RPS6KC1: variants seen among roughly 807,000 people sequenced by gnomAD.
RPS6KC1 encodes ribosomal protein S6 kinase C1.
Under a neutral mutation model 103.8 loss-of-function variants are expected in RPS6KC1, and 54 were observed. That is an observed-to-expected ratio of 0.52 (90% confidence interval 0.42 to 0.65). The LOEUF is 0.65. RPS6KC1 is among the 30% of genes least tolerant of loss of function. RPS6KC1 has a pLI of 0.00. For synonymous variants in RPS6KC1, 439 were observed against 438.7 expected (o/e 1.00, Z -0.01); for missense variants, 1,151 against 1,253.8 (o/e 0.92, Z 1.24).
chr1:213,624,345 G>C, the RPS6KC1 span, among the ~76,000 whole-genome samples: 2 of 152,232 alleles, frequency 1.3e-5, no homozygotes, highest in Non-Finnish European at 2.9e-5. Context: ...TCTTTGTCCT[G>C]ACAGAGCTTA....
intron 8 of RPS6KC1, among the ~76,000 whole-genome samples, chr1:213,197,714 C>T (rs1433807261): frequency 6.6e-6 from 1 of 152,042 alleles, no homozygotes; most frequent in African/African-American, 2.4e-5. Context: ...TTGGATGAGT[C>T]TTTAGGGTTT....
the RPS6KC1 span, among the ~76,000 whole-genome samples, chr1:213,708,149 G>C: frequency 3.9e-5 from 6 of 152,148 alleles, no homozygotes; most frequent in African/African-American, 1.4e-4. Flanking sequence ...CAATTTTCAG[G>C]ATATTGATTC....
intron 4 of RPS6KC1, among the ~76,000 whole-genome samples, chr1:213,111,665 T>A (rs1280428253): frequency 6.6e-6 from 1 of 152,202 alleles, no homozygotes; most frequent in East Asian, 1.9e-4. Flanking sequence ...ATTTTTTATT[T>A]TGCATGAAAT....
At chr1:213,472,722 A>G in the RPS6KC1 span, among the ~76,000 whole-genome samples, 2 of 152,206 alleles carry the variant, frequency 1.3e-5, no homozygotes, top group African/African-American at 4.8e-5. Flanking sequence ...ATGAAGTGGA[A>G]TGGCTATAGA....
At chr1:213,181,694 T>C (rs1401153795) in intron 8 of RPS6KC1, among the ~76,000 whole-genome samples, 1 of 152,172 alleles carries the variant, frequency 6.6e-6, no homozygotes, top group Admixed American at 6.5e-5. Context: ...ATTTTTTAAG[T>C]GCTAAAAGGA....
At chr1:213,480,562 A>T in the RPS6KC1 span, among the ~76,000 whole-genome samples, 1 of 152,126 alleles carries the variant, frequency 6.6e-6, no homozygotes, top group Admixed American at 6.5e-5. Context: ...TGCTTTGGCT[A>T]AGACTTAATA....
At chr1:213,198,060 T>C (rs903997156) in intron 8 of RPS6KC1, among the ~76,000 whole-genome samples, 2 of 152,180 alleles carry the variant, frequency 1.3e-5, no homozygotes, top group African/African-American at 2.4e-5. Flanking sequence ...GTGAGATGTA[T>C]GCTTTAAGAA....
chr1:213,609,760 G>A, the RPS6KC1 span, among the ~76,000 whole-genome samples: 2 of 144,236 alleles, frequency 1.4e-5, no homozygotes. Context: ...AAGTAATGGC[G>A]GGTTTTTGCC....
At chr1:213,737,167 G>C in the RPS6KC1 span, among the ~76,000 whole-genome samples, 1 of 152,202 alleles carries the variant, frequency 6.6e-6, no homozygotes, top group East Asian at 1.9e-4. Flanking sequence ...AAAAAACTTA[G>C]GGGCAGAATT....
chr1:213,664,049 G>A, the RPS6KC1 span, among the ~76,000 whole-genome samples: 1 of 152,196 alleles, frequency 6.6e-6, no homozygotes, highest in African/African-American at 2.4e-5. Flanking sequence ...CCTCACCCAT[G>A]TGCAGATGCC....
the RPS6KC1 span, among the ~76,000 whole-genome samples, chr1:213,546,942 T>C: frequency 6.6e-6 from 1 of 152,244 alleles, no homozygotes; most frequent in Admixed American, 6.5e-5. Context: ...TAATGTTCTG[T>C]TACTGTCCAG....
chr1:213,648,622 AC>A, the RPS6KC1 span, among the ~76,000 whole-genome samples: 1 of 151,166 alleles, frequency 6.6e-6, no homozygotes, highest in Non-Finnish European at 1.5e-5. Context: ...ATCTGCAGTC[AC>A]CCCCTCCTAC....
chr1:213,638,804 A>C, the RPS6KC1 span, among the ~76,000 whole-genome samples: 1 of 152,014 alleles, frequency 6.6e-6, no homozygotes, highest in Non-Finnish European at 1.5e-5. Flanking sequence ...CTTCAACTTT[A>C]TTCTTTTCCC....
the RPS6KC1 span, among the ~76,000 whole-genome samples, chr1:213,396,560 A>C: frequency 6.6e-6 from 1 of 152,028 alleles, no homozygotes; most frequent in African/African-American, 2.4e-5. Context: ...TACTAGTGTC[A>C]GGGGGCAGCT....
At chr1:213,599,309 C>G in the RPS6KC1 span, among the ~76,000 whole-genome samples, 6 of 152,024 alleles carry the variant, frequency 3.9e-5, no homozygotes, top group Non-Finnish European at 7.4e-5. Flanking sequence ...GAGGGGGTCT[C>G]TGTTTTCTTA....
the RPS6KC1 span, among the ~76,000 whole-genome samples, chr1:213,808,960 T>C: frequency 6.6e-6 from 1 of 152,376 alleles, no homozygotes; most frequent in South Asian, 2.1e-4. Context: ...CATTCCTGTG[T>C]TCACTGGAGT....
At chr1:213,454,578 A>G in the RPS6KC1 span, among the ~76,000 whole-genome samples, 1 of 152,246 alleles carries the variant, frequency 6.6e-6, no homozygotes, top group Non-Finnish European at 1.5e-5. Flanking sequence ...GCATGTCTGT[A>G]GACAAAAAGT....
the RPS6KC1 span, among the ~76,000 whole-genome samples, chr1:213,744,556 C>T: frequency 6.6e-6 from 1 of 152,162 alleles, no homozygotes; most frequent in Non-Finnish European, 1.5e-5. Context: ...GCTGTGTAGC[C>T]TTTTTTTGTT....
the RPS6KC1 span, among the ~76,000 whole-genome samples, chr1:213,322,622 CA>C: frequency 1.3e-5 from 2 of 152,284 alleles, 1 homozygote; most frequent in South Asian, 4.1e-4. Context: ...AAGGTGTTAG[CA>C]AGATGGTGTT....
Sources: allele counts gnomAD v4.1 joint callset (sites outside exome capture counted in the v4.1 genomes callset), GRCh38; gene constraint gnomAD v4.1.1; transcripts MANE v1.5; gene names NCBI Gene and HGNC (gene_info 2026-07-23, HGNC 2026-07-21).